The following CUBN variants were observed in gnomAD, a reference collection of about 807,000 sequenced individuals.
The protein encoded by CUBN is cubilin.
In CUBN, 282 loss-of-function variants were observed where a neutral mutation model predicts 405.3. That is an observed-to-expected ratio of 0.70 (90% CI 0.63 to 0.77). The LOEUF (loss-of-function observed/expected upper bound fraction) is 0.77. Ranked by LOEUF, CUBN falls within the 30% of genes least tolerant of loss-of-function variation. The probability of loss-of-function intolerance (pLI) is 0.00; values close to 1 mark genes in which losing one functional copy is unlikely to be tolerated. For missense variants in CUBN, 4,514 were observed against 4,475.2 expected (o/e 1.01, Z -0.25); for synonymous variants, 1,684 against 1,617.0 (o/e 1.04, Z -0.99).
At chr10:16,852,830 A>AT (rs1375702441) in intron 59 of CUBN, among the ~76,000 whole-genome samples, 1 of 152,208 alleles carries the variant, frequency 6.6e-6, no homozygotes, top group Non-Finnish European at 1.5e-5. Context: ...AACCAAGAAA[A>AT]TTGCTGCCAA....
rs1841339359 is a variant in CUBN at position 16,900,786 on chromosome 10, C to T, written c.8249G>A (p.Arg2750Lys). Residue 2750 changes from arginine (R) to lysine (K), a missense_variant, in exon 53 of 67, where the codon AGG becomes AAG. Physicochemically the swap from Arg to Lys is conservative, Grantham distance 26 (BLOSUM62 2). This residue lies in a region of CUBN where 1,186 missense variants were observed against 1,186.9 expected (regional missense o/e 1.00). Transcript: ENST00000377833. ...GGGTGATTCAGGGGACCCACCATTC[C>T]TGACAGTGACAGAGTCCCAAGCACA... ...TTCAWDSVTV[R>K]NGGSPESPII... The T allele has an allele frequency of 6.2e-7, 1 of 1,614,068 alleles. No individual in the cohort carries two copies. The highest frequency in any genetic ancestry group is 1.7e-5 in the Admixed American group (1 of 60,010).
intron 16 of CUBN, among the ~76,000 whole-genome samples, chr10:17,084,740 C>T (rs1836065415): frequency 6.6e-6 from 1 of 152,210 alleles, no homozygotes; most frequent in South Asian, 2.1e-4. Flanking sequence ...TACATTAATG[C>T]TCTGCTTCAT....
intron 57 of CUBN, among the ~76,000 whole-genome samples, chr10:16,876,050 G>A (rs151101398): frequency 6.6e-6 from 1 of 152,292 alleles, no homozygotes; most frequent in Non-Finnish European, 1.5e-5. Flanking sequence ...ATTATGGAGG[G>A]CCTTTTCAGA....
intron 17 of CUBN, among the ~76,000 whole-genome samples, chr10:17,072,626 T>C (rs1034916629): frequency 6.6e-6 from 1 of 152,090 alleles, no homozygotes; most frequent in Non-Finnish European, 1.5e-5. Context: ...CAAAACTTAA[T>C]AAATGAAATA....
rs371719561 is a variant in CUBN at position 16,913,784 on chromosome 10, A to T, written c.7533+27T>A. 4.3e-5 allele frequency: 69 copies of T among 1,612,122 alleles called. 1 individual carries two copies. The African/African-American group carries it at 6.4e-4, about 15-fold the overall frequency. On this transcript the variant is annotated intron_variant, in intron 48 of 66. Coordinates refer to ENST00000377833, the MANE Select transcript of CUBN (RefSeq NM_001081.4). ...TAAACTCTTTAAATGATGGAATATA[A>T]CATCTCAGGCGGCAGGGAACACTTA...
Position 17,109,665 on chromosome 10 carries a change from T to C in CUBN, c.1086A>G (p.Pro362=). 6.2e-7 allele frequency: 1 copy of C among 1,613,946 alleles called. No individual in the cohort carries two copies. The highest frequency in any genetic ancestry group is 2.2e-5 in the East Asian group (1 of 44,868). ...CTAGAGTTGAGGAGCATGAGGCATC[T>C]GGGTGGCAGCCTCCATTACTGACTG... ...ICSVSNGGCH[P]DASCSSTLGS... Residue 362 remains proline (P), a synonymous_variant, in exon 10 of 67, where the codon CCA becomes CCG. Transcript: ENST00000377833.
Position 16,972,036 on chromosome 10 carries a change from T to C in CUBN, c.4695+10448A>G, listed in dbSNP as rs531958371. 2.0e-5 allele frequency among the ~76,000 whole-genome samples: 3 copies of C among 152,266 alleles called. No homozygotes were observed. The East Asian group carries it at 5.8e-4, about 29-fold the overall frequency. On this transcript the variant is annotated intron_variant, in intron 31 of 66. Coordinates refer to ENST00000377833, the MANE Select transcript of CUBN (RefSeq NM_001081.4). ...GTTGCAATCCTCACGCTCGTTGGCA[T>C]CCTGCATGGGATTTGATACCTTTGA...
intron 27 of CUBN, among the ~76,000 whole-genome samples, chr10:17,031,770 C>T (rs145563254): frequency 1.0e-3 from 157 of 152,268 alleles, no homozygotes; most frequent in Middle Eastern, 6.8e-3. Context: ...TAAAGACTGG[C>T]GTTTACCTTT....
At chr10:16,835,985 A>G (rs1564377027) in intron 63 of CUBN, among the ~76,000 whole-genome samples, 2 of 152,214 alleles carry the variant, frequency 1.3e-5, no homozygotes, top group Non-Finnish European at 2.9e-5. Flanking sequence ...AAAATCAACT[A>G]CATATACTTT....
intron 27 of CUBN, among the ~76,000 whole-genome samples, chr10:17,028,883 C>T (rs921777601): frequency 8.5e-5 from 13 of 152,084 alleles, no homozygotes; most frequent in Admixed American, 8.5e-4. Context: ...TAACTGAAAC[C>T]CACAACTGTG....
In CUBN at chr10:16,910,234, T is replaced by C. The variant is rs563088603; in HGVS notation, c.7534-2555A>G. ...CCCTCTCTTCTCCCTCTTCTTCTTC[T>C]CCCTCTTCTCCTCCTCCTTCTCCTT... On this transcript the variant is annotated intron_variant, in intron 48 of 66. Coordinates refer to ENST00000377833, the MANE Select transcript of CUBN (RefSeq NM_001081.4). Among the ~76,000 whole-genome samples the C allele has an allele frequency of 5.3e-5, 8 of 151,952 alleles. No individual in the cohort carries two copies. In the South Asian group the frequency reaches 1.0e-3, roughly 20 times the overall value.
At chr10:16,868,102 T>G (rs1840239167) in intron 59 of CUBN, among the ~76,000 whole-genome samples, 1 of 152,228 alleles carries the variant, frequency 6.6e-6, no homozygotes, top group Non-Finnish European at 1.5e-5. Context: ...CTTCTGGCTT[T>G]TGTATGCTAC....
At chr10:17,127,190 CTT>C (rs1373041108) in intron 3 of CUBN, among the ~76,000 whole-genome samples, 1 of 111,472 alleles carries the variant, frequency 9.0e-6, no homozygotes, top group Admixed American at 9.3e-5. Flanking sequence ...CTCTCTCTCT[CTT>C]TCTTTCACTC....
At chr10:16,875,889 C>G (rs147542138) in intron 57 of CUBN, among the ~76,000 whole-genome samples, 2 of 152,266 alleles carry the variant, frequency 1.3e-5, no homozygotes, top group East Asian at 3.9e-4. Flanking sequence ...TAAAACAAAT[C>G]CATCCTTCTC....
At chr10:17,022,454 T>A (rs1052538735) in intron 27 of CUBN, among the ~76,000 whole-genome samples, 10 of 152,184 alleles carry the variant, frequency 6.6e-5, no homozygotes, top group African/African-American at 2.4e-4. Context: ...TATTATCAAG[T>A]TTCTAATATT....
intron 24 of CUBN, 70 bp downstream of exon 24, chr10:17,045,864 A>G: frequency 1.3e-6 from 2 of 1,497,794 alleles, no homozygotes; most frequent in Non-Finnish European, 1.9e-6. Flanking sequence ...GGGACAGAGC[A>G]TGACAATCCC....
intron 14 of CUBN, among the ~76,000 whole-genome samples, chr10:17,098,280 T>C (rs1836419890): frequency 6.6e-6 from 1 of 152,198 alleles, no homozygotes; most frequent in East Asian, 1.9e-4. Context: ...GCTGAATAGA[T>C]TTCAAGTAGC....
chr10:17,125,780 T>C (rs965754855), intron 4 of CUBN, among the ~76,000 whole-genome samples: 8 of 152,160 alleles, frequency 5.3e-5, no homozygotes, highest in Non-Finnish European at 8.8e-5. Flanking sequence ...GCGAATATAA[T>C]GAAGCCCTCC....
chr10:17,057,620 T>C (rs375152492), intron 22 of CUBN, among the ~76,000 whole-genome samples: 3 of 152,020 alleles, frequency 2.0e-5, no homozygotes, highest in African/African-American at 7.2e-5. Flanking sequence ...AGAGAATGAA[T>C]ACGTCCACAA....
Sources: allele counts gnomAD v4.1 joint callset (sites outside exome capture counted in the v4.1 genomes callset), GRCh38; gene constraint gnomAD v4.1.1; regional missense constraint gnomAD v4.1.1; transcripts MANE v1.5; gene names NCBI Gene and HGNC (gene_info 2026-07-23, HGNC 2026-07-21).